Variants in FPR3 observed in about 807,000 individuals in gnomAD.
FPR3 encodes the protein formyl peptide receptor 3.
For missense variants in FPR3, 346 were observed against 443.2 expected (o/e 0.78, Z 1.97); for synonymous variants, 135 against 163.6 (o/e 0.83, Z 1.34).
At chr19:51,822,455 A>T (rs896162850) in intron 1 of FPR3, among the ~76,000 whole-genome samples, 1 of 152,034 alleles carries the variant, frequency 6.6e-6, no homozygotes, top group Non-Finnish European at 1.5e-5. Flanking sequence ...AGGGGGCATC[A>T]CCAGCAATAT....
chr19:51,809,255 A>T (rs1402139335), intron 1 of FPR3, among the ~76,000 whole-genome samples: 1 of 152,248 alleles, frequency 6.6e-6, no homozygotes, highest in Non-Finnish European at 1.5e-5. Flanking sequence ...GACCAAGACA[A>T]GGTAAAATCT....
chr19:51,798,663 G>C (rs939734745), intron 1 of FPR3, among the ~76,000 whole-genome samples: 1 of 152,164 alleles, frequency 6.6e-6, no homozygotes, highest in Non-Finnish European at 1.5e-5. Context: ...GTATGATGCT[G>C]AAAAAACTAC....
chr19:51,814,253 T>A (rs1055493196), intron 1 of FPR3, among the ~76,000 whole-genome samples: 3 of 152,156 alleles, frequency 2.0e-5, no homozygotes, highest in Admixed American at 2.0e-4. Context: ...TGATGTTGCT[T>A]AAAATCTCAG....
chr19:51,814,522 C>A (rs1568430417), intron 1 of FPR3, among the ~76,000 whole-genome samples: 1 of 152,056 alleles, frequency 6.6e-6, no homozygotes, highest in Non-Finnish European at 1.5e-5. Flanking sequence ...GAGACAGAGT[C>A]CAGCTCTGTC....
At chr19:51,814,281 C>T (rs376722391) in intron 1 of FPR3, among the ~76,000 whole-genome samples, 25 of 152,132 alleles carry the variant, frequency 1.6e-4, no homozygotes, top group Non-Finnish European at 2.2e-4. Context: ...CCATCTCCTC[C>T]GATTTAGACC....
chr19:51,796,638 T>C (rs942778713), intron 1 of FPR3, among the ~76,000 whole-genome samples: 1 of 152,146 alleles, frequency 6.6e-6, no homozygotes, highest in African/African-American at 2.4e-5. Flanking sequence ...GTAGATAGAA[T>C]GAGTAAGACG....
At chr19:51,803,986 T>C (rs548772066) in intron 1 of FPR3, 1 of 152,144 alleles carries the variant, frequency 6.6e-6, no homozygotes, top group Non-Finnish European at 1.5e-5. Flanking sequence ...CATAAAACGT[T>C]GGGGATCTCA....
chr19:51,799,619 C>T (rs1282707129), intron 1 of FPR3, among the ~76,000 whole-genome samples: 2 of 152,230 alleles, frequency 1.3e-5, no homozygotes, highest in Admixed American at 1.3e-4. Flanking sequence ...CAGCTTAGTA[C>T]TGCTGTCCTC....
intron 1 of FPR3, among the ~76,000 whole-genome samples, chr19:51,800,427 C>T (rs933077546): frequency 6.6e-6 from 1 of 152,306 alleles, no homozygotes; most frequent in African/African-American, 2.4e-5. Context: ...CCAGTGCCCA[C>T]CACTGCTTAC....
Position 51,825,893 on chromosome 19 carries a change from AGT to A in FPR3, c.*1086_*1087del, listed in dbSNP as rs1599843452. On this transcript the variant is annotated 3_prime_UTR_variant, in exon 2 of 2. Transcript: ENST00000339223. Reference sequence around the variant, plus strand: ...GATATTTGTAAGGCTTAGATGAGATAGTGTTTTTTTAGAAAAAAACTTTATCT... The same window carrying A: ...GATATTTGTAAGGCTTAGATGAGATAGTTTTTTTAGAAAAAAACTTTATCT... The A allele has an allele frequency of 1.2e-5, 2 of 167,228 alleles. No homozygotes were observed. The highest frequency in any genetic ancestry group is 3.9e-4 in the East Asian group (2 of 5,190). 10.4% of individuals were successfully genotyped at this position (167,228 alleles called of 1,614,324 possible). A position where few individuals can be genotyped will look rare whatever the true frequency, so the allele number is the denominator to read the frequency against.
At chr19:51,798,050 T>C (rs2084010178) in intron 1 of FPR3, among the ~76,000 whole-genome samples, 1 of 151,842 alleles carries the variant, frequency 6.6e-6, no homozygotes, top group South Asian at 2.1e-4. Context: ...AATCAGTCTT[T>C]ATCAAAAAAC....
In FPR3 at chr19:51,824,381, C is replaced by T. The variant is rs1298292562; in HGVS notation, c.633C>T (p.Ser211=). 8.7e-6 allele frequency: 14 copies of T among 1,613,990 alleles called. No homozygotes were observed. Among genetic ancestry groups the T allele is most frequent in the African/African-American group, 4.0e-5 (3 of 74,920 alleles). Residue 211 remains serine, a synonymous_variant, in exon 2 of 2, where the codon AGC becomes AGT. Transcript: ENST00000339223. This position sits in a 1 kb window ranked among gnomAD's most constrained non-coding sequence, Gnocchi z 4.7. Reference sequence around the variant, plus strand: ...TCCTCCACTTCATTATTGGCTTCAGCGTGCCTATGTCCATCATCACAGTCT... The same window carrying T: ...TCCTCCACTTCATTATTGGCTTCAGTGTGCCTATGTCCATCATCACAGTCT... ...FLILHFIIGF[S]VPMSIITVCY...
chr19:51,822,829 T>C (rs1461816164), intron 1 of FPR3, among the ~76,000 whole-genome samples: 1 of 152,172 alleles, frequency 6.6e-6, no homozygotes, highest in Non-Finnish European at 1.5e-5. Flanking sequence ...TGACTTCATC[T>C]AGCACAGAAT....
chr19:51,819,333 T>C (rs1291194284), intron 1 of FPR3, among the ~76,000 whole-genome samples: 1 of 152,134 alleles, frequency 6.6e-6, no homozygotes, highest in Non-Finnish European at 1.5e-5. Context: ...GAGGATAGCA[T>C]GGTACTTTAA....
intron 1 of FPR3, among the ~76,000 whole-genome samples, chr19:51,808,057 A>G (rs1226798606): frequency 6.6e-6 from 1 of 152,258 alleles, no homozygotes; most frequent in East Asian, 1.9e-4. Flanking sequence ...GGTTGTAGCC[A>G]TGAGGCATGT....
At position 51,823,817 on chromosome 19, in the gene FPR3, C is replaced by T. The variant is rs993344600; in HGVS notation, c.69C>T (p.Thr23=). The T allele has an allele frequency of 4.3e-6, 7 of 1,613,706 alleles. No individual in the cohort carries two copies. The highest frequency in any genetic ancestry group is 4.0e-5 in the African/African-American group (3 of 74,902). ...EEVLPEPAGH[T]VLWIFSLLVH... is the part of the protein sequence containing the mutation. ...TGCTCCCTGAGCCTGCTGGCCACAC[C>T]GTTCTGTGGATCTTCTCATTGCTAG... Residue 23 remains threonine (T), a synonymous_variant, in exon 2 of 2, where the codon ACC becomes ACT. Coordinates refer to ENST00000339223, the MANE Select transcript of FPR3 (RefSeq NM_002030.5).
At chr19:51,805,857 A>T (rs1320895628) in intron 1 of FPR3, among the ~76,000 whole-genome samples, 1 of 152,208 alleles carries the variant, frequency 6.6e-6, no homozygotes, top group African/African-American at 2.4e-5. Flanking sequence ...AAGTAGAAGA[A>T]GTTTCACAAA....
chr19:51,816,386 T>C (rs1470320582), intron 1 of FPR3, among the ~76,000 whole-genome samples: 3 of 152,196 alleles, frequency 2.0e-5, no homozygotes, highest in African/African-American at 7.2e-5. Context: ...TAGCTGGAAT[T>C]ACTGGCATGT....
chr19:51,798,537 G>T (rs2084012612), intron 1 of FPR3, among the ~76,000 whole-genome samples: 1 of 152,194 alleles, frequency 6.6e-6, no homozygotes, highest in Non-Finnish European at 1.5e-5. Flanking sequence ...ACGAGGGCAG[G>T]ACCCTATCCT....
Sources: allele counts gnomAD v4.1 joint callset (sites outside exome capture counted in the v4.1 genomes callset), GRCh38; gene constraint gnomAD v4.1.1; non-coding constraint Gnocchi (gnomAD v3.1); transcripts MANE v1.5; gene names NCBI Gene and HGNC (gene_info 2026-07-23, HGNC 2026-07-21).